The following SLC45A4 variants were observed in gnomAD, a reference collection of about 807,000 sequenced individuals.
SLC45A4 encodes the protein polyamine-transporter SLC45A4.
In SLC45A4, 32 loss-of-function variants were observed where a neutral mutation model predicts 63.7. The observed-to-expected ratio is 0.50, with a 90% CI of 0.38 to 0.67. The LOEUF (loss-of-function observed/expected upper bound fraction) is 0.67, where lower values mean the gene tolerates loss of function less well. SLC45A4 is among the 30% of genes least tolerant of loss of function. The pLI is 0.00. For missense variants in SLC45A4, 1,027 were observed against 1,157.7 expected (o/e 0.89, Z 1.64); for synonymous variants, 535 against 510.0 (o/e 1.05, Z -0.66).
rs188248763 is a variant in SLC45A4 at position 141,293,661 on chromosome 8, A to G, written c.-401+14435T>C. ...CAAAAAATGGAAACAGACCGGGAGC[A>G]GTGGCTCATGCCTGTAATCCTAACA... On this transcript the variant is annotated intron_variant, in intron 1 of 8. Transcript: ENST00000517878. 3.0e-3 allele frequency among the ~76,000 whole-genome samples: 460 copies of G among 152,268 alleles called. 4 individuals carry two copies. The highest frequency in any genetic ancestry group is 0.011 in the African/African-American group (446 of 41,556).
chr8:141,291,192 C>G (rs1216451136), intron 1 of SLC45A4, among the ~76,000 whole-genome samples: 1 of 152,152 alleles, frequency 6.6e-6, no homozygotes, highest in African/African-American at 2.4e-5. Flanking sequence ...CAAAACACTC[C>G]CTAAACTGTA....
chr8:141,221,570 A>T lies in SLC45A4; in HGVS notation c.430+7T>A. The T allele has an allele frequency of 2.5e-6, 4 of 1,610,790 alleles. No individual in the cohort carries two copies. The highest frequency in any genetic ancestry group is 3.4e-6 in the Non-Finnish European group (4 of 1,178,826). Reference sequence around the variant, plus strand: ...GTGAGGACACCAGGTGTGGCCGAGAAACTTACCGATGGCAGAGCCGTTAAG... The same window carrying T: ...GTGAGGACACCAGGTGTGGCCGAGATACTTACCGATGGCAGAGCCGTTAAG... On this transcript the variant is annotated splice_region_variant and intron_variant, in intron 3 of 8. Transcript: ENST00000517878.
chr8:141,270,994 G>T (rs561961438), intron 1 of SLC45A4, among the ~76,000 whole-genome samples: 1 of 152,294 alleles, frequency 6.6e-6, no homozygotes, highest in Non-Finnish European at 1.5e-5. Flanking sequence ...AGCAAATGAA[G>T]CGCCTTGGGT....
chr8:141,272,022 C>T (rs1354835915), intron 1 of SLC45A4, among the ~76,000 whole-genome samples: 1 of 152,206 alleles, frequency 6.6e-6, no homozygotes, highest in Non-Finnish European at 1.5e-5. Flanking sequence ...CACCTGCGTA[C>T]ACACATGCAT....
rs141233185 is a variant in SLC45A4 at position 141,305,128 on chromosome 8, C to A, written c.-401+2968G>T. 3.3e-3 allele frequency among the ~76,000 whole-genome samples: 506 copies of A among 152,208 alleles called. 3 individuals are homozygous for A. Among genetic ancestry groups the A allele is most frequent in the African/African-American group, 0.012 (482 of 41,538 alleles). On this transcript the variant is annotated intron_variant, in intron 1 of 8. Transcript: ENST00000517878. ...TCACAAAAGCTTAGCATTTGATACTCGGGGGAAAAGGCCACTAGAAGCACA... is the reference window on the plus strand; with the variant it reads ...TCACAAAAGCTTAGCATTTGATACTAGGGGGAAAAGGCCACTAGAAGCACA...
chr8:141,235,068 G>C (rs911677562), intron 2 of SLC45A4, among the ~76,000 whole-genome samples: 5 of 152,202 alleles, frequency 3.3e-5, no homozygotes. Context: ...TCATCTCCGA[G>C]TGAAGGTGCA....
In SLC45A4 at chr8:141,218,079, A is replaced by G; in HGVS notation, c.1561T>C (p.Ser521Pro). 2 of 1,612,206 alleles carry G rather than the reference A, an allele frequency of 1.2e-6. No individual in the cohort carries two copies. Among genetic ancestry groups the G allele is most frequent in the Non-Finnish European group, 1.7e-6 (2 of 1,179,662 alleles). The change falls in exon 5 of 9, where the codon TCT (serine) becomes CCT (proline). Residue 521 changes from serine (S) to proline (P), a missense_variant. Coordinates refer to ENST00000517878, the MANE Select transcript of SLC45A4 (RefSeq NM_001286646.2). Reference sequence around the variant, plus strand: ...TAGAACACGGCCTCGGCGATGACAGAGAACCAGGTGAGGAGGTGGCAGAGG... The same window carrying G: ...TAGAACACGGCCTCGGCGATGACAGGGAACCAGGTGAGGAGGTGGCAGAGG... ...LCLCHLLTWF[S>P]VIAEAVFYTD...
chr8:141,272,262 C>T (rs1589838487), intron 1 of SLC45A4, among the ~76,000 whole-genome samples: 1 of 152,360 alleles, frequency 6.6e-6, no homozygotes, highest in East Asian at 1.9e-4. Context: ...CCTGCTGACA[C>T]AGGTCAGGAC....
chr8:141,245,909 G>A (rs1828166723), intron 2 of SLC45A4, among the ~76,000 whole-genome samples: 2 of 152,184 alleles, frequency 1.3e-5, no homozygotes, highest in Admixed American at 1.3e-4. Context: ...GGCATTAGCT[G>A]GCTGCTCCTA....
chr8:141,213,060 T>C (rs1345968941), intron 7 of SLC45A4, among the ~76,000 whole-genome samples: 1 of 98,270 alleles, frequency 1.0e-5, no homozygotes, highest in Non-Finnish European at 2.0e-5. Flanking sequence ...GCTGTACATA[T>C]ATTACTACCA....
intron 2 of SLC45A4, among the ~76,000 whole-genome samples, chr8:141,241,499 C>T (rs970626221): frequency 2.0e-5 from 3 of 152,162 alleles, no homozygotes; most frequent in Non-Finnish European, 4.4e-5. Context: ...TTGGTGAAGG[C>T]GCTGTCCATT....
At chr8:141,269,994 T>C (rs983384268) in intron 1 of SLC45A4, among the ~76,000 whole-genome samples, 4 of 152,056 alleles carry the variant, frequency 2.6e-5, no homozygotes, top group Non-Finnish European at 4.4e-5. Context: ...TGGGGCGGCC[T>C]GGCCCAAGCC....
At chr8:141,237,699 C>T (rs34290298) in intron 2 of SLC45A4, among the ~76,000 whole-genome samples, 19,778 of 152,086 alleles carry the variant, frequency 0.13, 1,633 homozygotes, top group East Asian at 0.28. Context: ...TCCACGATCC[C>T]TGGAGCGAGT....
At chr8:141,219,969 C>A (rs1017382172) in intron 3 of SLC45A4, 140 bp from the exon 4 acceptor site, 82 of 792,246 alleles carry the variant, frequency 1.0e-4, no homozygotes, top group Non-Finnish European at 1.5e-4. Flanking sequence ...AAGAGAGAGG[C>A]TCTTAGGCAC....
chr8:141,268,595 C>G (rs1303562091), intron 1 of SLC45A4, among the ~76,000 whole-genome samples: 1 of 152,146 alleles, frequency 6.6e-6, no homozygotes, highest in African/African-American at 2.4e-5. Context: ...TGTTGTGAAC[C>G]TAAAACTGCT....
chr8:141,299,561 G>A (rs1042472867), intron 1 of SLC45A4, among the ~76,000 whole-genome samples: 23 of 152,224 alleles, frequency 1.5e-4, no homozygotes, highest in Non-Finnish European at 2.8e-4. Flanking sequence ...CCCGGGATCC[G>A]GCTTCATCCA....
In SLC45A4 at chr8:141,218,746, C is replaced by T. The variant is rs74764354; in HGVS notation, c.894G>A (p.Pro298=). 1.5e-4 allele frequency: 241 copies of T among 1,612,956 alleles called. No homozygotes were observed. In the African/African-American group the frequency reaches 2.5e-3, roughly 17 times the overall value. The change falls in exon 5 of 9, where the codon CCG becomes CCA. Residue 298 remains proline, a synonymous_variant. Transcript: ENST00000517878. ...TTTTGCTGCGCATGATGTCCACGTC[C>T]GGGTAGTCCAGGGCCAGCTCGTGCT... is the stretch of plus-strand genomic sequence containing the variant. ...QSEHELALDY[P]DVDIMRSKSD...
intron 1 of SLC45A4, among the ~76,000 whole-genome samples, chr8:141,261,057 A>G (rs1829022626): frequency 6.6e-6 from 1 of 152,260 alleles, no homozygotes; most frequent in Non-Finnish European, 1.5e-5. Flanking sequence ...CCTGAGATGC[A>G]AGGCTGGTTC....
At chr8:141,233,990 G>A (rs575177365) in intron 2 of SLC45A4, among the ~76,000 whole-genome samples, 33 of 152,316 alleles carry the variant, frequency 2.2e-4, no homozygotes, top group African/African-American at 5.3e-4. Flanking sequence ...TTGAGTGTCC[G>A]TTTCCTGATC....
Sources: gnomAD v4.1 joint callset for allele counts (sites outside exome capture counted in the v4.1 genomes callset) on GRCh38, gnomAD v4.1.1 for gene constraint, MANE v1.5 for transcripts, NCBI Gene and HGNC (gene_info 2026-07-23, HGNC 2026-07-21) for gene names.